FAF1: variants seen among roughly 807,000 people sequenced by gnomAD.
FAF1 encodes the protein FAS-associated factor 1.
In FAF1, 25 loss-of-function variants were observed where a neutral mutation model predicts 92.5. The observed-to-expected ratio is 0.27, with a 90% CI of 0.20 to 0.38. The LOEUF (loss-of-function observed/expected upper bound fraction) is 0.38, where lower values mean the gene tolerates loss of function less well. Among genes scored for constraint, FAF1 ranks in the 10% least tolerant of loss-of-function variants. The pLI, the probability that FAF1 is intolerant of heterozygous loss-of-function variation, is 1.00. For synonymous variants in FAF1, 234 were observed against 273.2 expected, an observed-to-expected ratio of 0.86 and a Z score of 1.42; for missense variants, 636 against 793.3, an observed-to-expected ratio of 0.80 and a Z score of 2.38.
At chr1:50,621,420 G>A (rs1653203925) in intron 8 of FAF1, among the ~76,000 whole-genome samples, 1 of 80,290 alleles carries the variant, frequency 1.2e-5, no homozygotes, top group African/African-American at 5.3e-5. Flanking sequence ...TTTTTTTTGA[G>A]ATGGAGTCTC....
intron 8 of FAF1, among the ~76,000 whole-genome samples, chr1:50,619,075 T>C (rs1653069530): frequency 6.6e-6 from 1 of 152,214 alleles, no homozygotes; most frequent in African/African-American, 2.4e-5. Context: ...TATTATGTTT[T>C]ATTTCTGCGT....
intron 1 of FAF1, among the ~76,000 whole-genome samples, chr1:50,920,327 GA>G (rs1644952928): frequency 6.7e-6 from 1 of 150,124 alleles, no homozygotes; most frequent in African/African-American, 2.4e-5. Context: ...AGTAAAGAAA[GA>G]AAATATGCTT....
intron 1 of FAF1, among the ~76,000 whole-genome samples, chr1:50,941,839 A>G (rs777064095): frequency 1.7e-4 from 26 of 152,310 alleles, no homozygotes; most frequent in Non-Finnish European, 2.8e-4. Flanking sequence ...TTTGAAACCT[A>G]ATTTTCTATT....
At chr1:50,625,461 A>G (rs1653454431) in intron 8 of FAF1, among the ~76,000 whole-genome samples, 3 of 152,232 alleles carry the variant, frequency 2.0e-5, no homozygotes, top group Non-Finnish European at 4.4e-5. Context: ...AATTTTACCA[A>G]TGTGGTTAAG....
Position 50,583,618 on chromosome 1 carries a change from C to A in FAF1, c.1031+34G>T, listed in dbSNP as rs1232441988. On this transcript the variant is annotated intron_variant, in intron 11 of 18. Coordinates refer to ENST00000396153, the MANE Select transcript of FAF1 (RefSeq NM_007051.3). This position sits in a 1 kb window ranked among gnomAD's most constrained non-coding sequence, Gnocchi z 4.2. ...GAAAAATCACAGTAGCATAAAACAG[C>A]ATCAAATTTATATAGTTAATGTCCT... 3.1e-6 allele frequency: 4 copies of A among 1,303,148 alleles called. No individual in the cohort carries two copies. Among genetic ancestry groups the A allele is most frequent in the South Asian group, 1.6e-5 (1 of 60,646 alleles). The allele number at this position is 1,303,148 out of a possible 1,614,324, so 80.7% of individuals were successfully genotyped here.
At chr1:50,618,234 A>G (rs1054805378) in intron 8 of FAF1, among the ~76,000 whole-genome samples, 1 of 151,836 alleles carries the variant, frequency 6.6e-6, no homozygotes, top group Non-Finnish European at 1.5e-5. Flanking sequence ...TTAATGTTAA[A>G]TTGTTAATTT....
chr1:50,646,556 T>TA (rs1654596793), intron 8 of FAF1, among the ~76,000 whole-genome samples: 1 of 152,232 alleles, frequency 6.6e-6, no homozygotes, highest in Non-Finnish European at 1.5e-5. Flanking sequence ...CCAATGCTTA[T>TA]AATTTACAAA....
intron 18 of FAF1, among the ~76,000 whole-genome samples, chr1:50,451,275 G>A (rs982963131): frequency 2.0e-5 from 3 of 152,202 alleles, no homozygotes; most frequent in African/African-American, 7.2e-5. Context: ...CTTGTAGGCT[G>A]CCCTGTTTGT....
At chr1:50,527,595 G>GATGACT (rs1156260355) in intron 15 of FAF1, among the ~76,000 whole-genome samples, 1 of 152,190 alleles carries the variant, frequency 6.6e-6, no homozygotes, top group African/African-American at 2.4e-5. Context: ...AATAAAGAGT[G>GATGACT]ATGACTACTT....
At chr1:50,860,937 TG>T (rs1644427259) in intron 1 of FAF1, among the ~76,000 whole-genome samples, 1 of 151,896 alleles carries the variant, frequency 6.6e-6, no homozygotes, top group Non-Finnish European at 1.5e-5. Context: ...TGCAGCAACA[TG>T]GGTTAAGCTG....
intron 1 of FAF1, among the ~76,000 whole-genome samples, chr1:50,893,791 C>G (rs758170187): frequency 6.6e-6 from 1 of 152,198 alleles, no homozygotes; most frequent in Non-Finnish European, 1.5e-5. Flanking sequence ...AAATTTCCCC[C>G]TAGGCCTTAG....
At chr1:50,746,282 ATATATATATATTTTTTTTTTTTTT>A (rs1291701307) in intron 4 of FAF1, among the ~76,000 whole-genome samples, 4 of 18,684 alleles carry the variant, frequency 2.1e-4, no homozygotes, top group East Asian at 3.0e-3. Context: ...ATATATATAT[ATATATATATATTTTTTTTTTTTTT>A]TTTTTTTTTT....
At chr1:50,736,955 T>C (rs1004460927) in intron 6 of FAF1, among the ~76,000 whole-genome samples, 10 of 152,166 alleles carry the variant, frequency 6.6e-5, no homozygotes, top group South Asian at 2.1e-4. Flanking sequence ...TATAGAAAGA[T>C]ACATTGAATA....
intron 7 of FAF1, among the ~76,000 whole-genome samples, chr1:50,705,487 T>C (rs190195706): frequency 1.1e-4 from 16 of 152,318 alleles, no homozygotes; most frequent in Admixed American, 5.9e-4. Flanking sequence ...ACAATTTCCA[T>C]AGTATTTTGA....
intron 1 of FAF1, among the ~76,000 whole-genome samples, chr1:50,909,931 C>G (rs1644871076): frequency 6.6e-6 from 1 of 152,200 alleles, no homozygotes; most frequent in African/African-American, 2.4e-5. Context: ...TGGTGAGGAG[C>G]TGCATTCCTC....
At chr1:50,957,437 C>T (rs1024038997) in intron 1 of FAF1, among the ~76,000 whole-genome samples, 3 of 149,690 alleles carry the variant, frequency 2.0e-5, no homozygotes, top group Non-Finnish European at 4.4e-5. Context: ...CTGCAAGCTC[C>T]GCCTCCCAGG....
Position 50,662,032 on chromosome 1 carries a change from C to CT in FAF1, c.658-6505dup, listed in dbSNP as rs555384653. Among the ~76,000 whole-genome samples, 34 of 151,546 alleles carry CT rather than the reference C, an allele frequency of 2.2e-4. No homozygotes were observed. The South Asian group carries it at 6.7e-3, about 30-fold the overall frequency. ...CAGTAATCAAATGTTAATTAGCAAG[C>CT]TTTTTTTTTCTTCCCCCTTCCCCCA... On this transcript the variant is annotated intron_variant, in intron 7 of 18. Transcript: ENST00000396153.
At chr1:50,829,706 T>C (rs1353505148) in intron 2 of FAF1, among the ~76,000 whole-genome samples, 1 of 152,232 alleles carries the variant, frequency 6.6e-6, no homozygotes, top group African/African-American at 2.4e-5. Flanking sequence ...CACCCTTCTC[T>C]TTTTTCCTAT....
intron 8 of FAF1, among the ~76,000 whole-genome samples, chr1:50,617,497 C>A (rs1652974159): frequency 6.6e-6 from 1 of 152,122 alleles, no homozygotes; most frequent in African/African-American, 2.4e-5. Context: ...AGGGATAAAG[C>A]CTACTTAACT....
Sources: allele counts gnomAD v4.1 joint callset (sites outside exome capture counted in the v4.1 genomes callset), GRCh38; gene constraint gnomAD v4.1.1; non-coding constraint Gnocchi (gnomAD v3.1); transcripts MANE v1.5; gene names NCBI Gene and HGNC (gene_info 2026-07-23, HGNC 2026-07-21).